The following C5 variants were observed in gnomAD, a reference collection of about 807,000 sequenced individuals.
The protein encoded by C5 is complement C5, also known as C3 and PZP-like alpha-2-macroglobulin domain-containing protein 4.
A neutral mutation model predicts 218.8 loss-of-function variants in C5; 140 were observed. That is an observed-to-expected ratio of 0.64 (90% CI 0.56 to 0.74). The LOEUF (loss-of-function observed/expected upper bound fraction) is 0.74. Ranked by LOEUF, C5 falls within the 30% of genes least tolerant of loss-of-function variation. C5 has a pLI of 0.00. For missense variants in C5, 1,700 were observed against 1,969.6 expected, an observed-to-expected ratio of 0.86 and a Z score of 2.59; for synonymous variants, 614 against 682.3, an observed-to-expected ratio of 0.90 and a Z score of 1.56.
chr9:121,043,700 C>CTTTTTTTTTT (rs34794535), intron 2 of C5, among the ~76,000 whole-genome samples: 5 of 120,660 alleles, frequency 4.1e-5, no homozygotes, highest in Non-Finnish European at 6.7e-5. Flanking sequence ...GTCCAGCTAA[C>CTTTTTTTTTT]TTTTTTTTTT....
chr9:121,044,334 G>A (rs1249360256), intron 2 of C5, among the ~76,000 whole-genome samples: 7 of 151,986 alleles, frequency 4.6e-5, no homozygotes, highest in Admixed American at 4.6e-4. Context: ...AATTAGCCAG[G>A]TGTGGTGGTG....
At chr9:121,006,154 G>A in intron 19 of C5, 96 bp from the exon 20 acceptor site, 1 of 1,208,888 alleles carries the variant, frequency 8.3e-7, no homozygotes, top group South Asian at 1.3e-5. Context: ...TTACTTCAAG[G>A]AAAAAATAAT....
At chr9:120,962,814 G>T (rs1236763908) in intron 35 of C5, 38 bp from the exon 36 acceptor site, 1 of 1,597,036 alleles carries the variant, frequency 6.3e-7, no homozygotes, top group Non-Finnish European at 8.6e-7. Context: ...AAATTATGGA[G>T]AGATGATATT....
intron 3 of C5, among the ~76,000 whole-genome samples, chr9:121,038,183 AAAGT>A (rs1367473579): frequency 6.6e-6 from 1 of 152,222 alleles, no homozygotes; most frequent in African/African-American, 2.4e-5. Context: ...TAGTGGATTT[AAAGT>A]ACAGTTCACT....
chr9:121,071,974 C>T, the C5 span, among the ~76,000 whole-genome samples: 1 of 152,132 alleles, frequency 6.6e-6, no homozygotes, highest in African/African-American at 2.4e-5. Flanking sequence ...TAGTGTGGAA[C>T]GCGAGTTGTC....
At chr9:121,042,809 G>A (rs1199711562) in intron 3 of C5, among the ~76,000 whole-genome samples, 195 bp downstream of exon 3, 3 of 152,048 alleles carry the variant, frequency 2.0e-5, no homozygotes, top group Non-Finnish European at 4.4e-5. Context: ...AATTTATTTA[G>A]CACTTTCTCC....
At chr9:120,990,787 C>T (rs548988257) in intron 23 of C5, among the ~76,000 whole-genome samples, 1 of 152,188 alleles carries the variant, frequency 6.6e-6, no homozygotes, top group African/African-American at 2.4e-5. Flanking sequence ...CTAAGACAAC[C>T]CTTCTGGGAC....
rs755636636 is a variant in C5, at chr9:121,015,272, T to A, written c.1997-11A>T. ...CTTTACAAGGTTCATCTGGTTTTTT[T>A]AAAAAAAGATAAAGAAGAAGGATTA... On this transcript the variant is annotated splice_polypyrimidine_tract_variant and intron_variant, in intron 15 of 40. Coordinates refer to ENST00000223642, the MANE Select transcript of C5 (RefSeq NM_001735.3). 1.5e-5 allele frequency: 24 copies of A among 1,560,966 alleles called. No homozygotes were observed. The highest frequency in any genetic ancestry group is 1.7e-4 in the Middle Eastern group (1 of 5,930).
chr9:121,009,680 T>C (rs1039545348), intron 17 of C5, among the ~76,000 whole-genome samples: 2 of 152,212 alleles, frequency 1.3e-5, no homozygotes, highest in Non-Finnish European at 2.9e-5. Context: ...AAAAGCACCA[T>C]CAAGAGAACC....
intron 38 of C5, among the ~76,000 whole-genome samples, chr9:120,959,910 T>C (rs943130917): frequency 1.1e-4 from 17 of 152,354 alleles, no homozygotes; most frequent in Middle Eastern, 3.4e-3. Context: ...GGTCTATCAA[T>C]TGGAAGAGTA....
At chr9:121,068,073 C>A in the C5 span, among the ~76,000 whole-genome samples, 1 of 152,048 alleles carries the variant, frequency 6.6e-6, no homozygotes, top group East Asian at 1.9e-4. Flanking sequence ...AGATCTGGTA[C>A]AATGCAAGGA....
the C5 span, among the ~76,000 whole-genome samples, chr9:121,072,916 T>C: frequency 2.6e-5 from 4 of 151,822 alleles, no homozygotes; most frequent in African/African-American, 9.7e-5. Context: ...CTTCGTTCTG[T>C]GTCGTGTAAA....
the C5 span, among the ~76,000 whole-genome samples, chr9:121,055,942 C>T: frequency 2.0e-5 from 3 of 152,336 alleles, no homozygotes; most frequent in South Asian, 6.2e-4. Flanking sequence ...GAGACTTTGC[C>T]TGGTAACCCA....
chr9:120,963,705 T>C lies in C5; in HGVS notation c.4254A>G (p.Gly1418=). 2 of 1,613,776 alleles carry C rather than the reference T, an allele frequency of 1.2e-6. No individual in the cohort carries two copies. Among genetic ancestry groups the C allele is most frequent in the South Asian group, 2.2e-5 (2 of 91,068 alleles). The change falls in exon 34 of 41, where the codon GGA becomes GGG. Residue 1418 remains glycine (G), a synonymous_variant. Coordinates refer to ENST00000223642, the MANE Select transcript of C5 (RefSeq NM_001735.3). The stretch of plus-strand genomic sequence containing the variant: ...AGATGTCCATCACCGCATGAGAGGA[T>C]CCAGATGATGATTCTTCCCTGCTGG... The part of the protein sequence containing the change: ...YKPSREESSS[G]SSHAVMDISL...
In C5 at chr9:121,020,653, C is replaced by T. The variant is rs114475636; in HGVS notation, c.1303-474G>A. ...TGTGAAGTAGAGGCACAGATGGGTG[C>T]TTATAAATATGAGGTGGAGAAGAAA... is the stretch of plus-strand genomic sequence containing the variant. On this transcript the variant is annotated intron_variant, in intron 11 of 40. Transcript: ENST00000223642. Among the ~76,000 whole-genome samples the T allele has an allele frequency of 6.4e-3, 970 of 152,200 alleles. 12 individuals are homozygous for T. The highest frequency in any genetic ancestry group is 0.019 in the African/African-American group (802 of 41,538).
Position 120,997,580 on chromosome 9 carries a change from T to C in C5, c.2757A>G (p.Gly919=). 4 of 1,614,070 alleles carry C rather than the reference T, an allele frequency of 2.5e-6. No individual in the cohort carries two copies. Among genetic ancestry groups the C allele is most frequent in the Non-Finnish European group, 3.4e-6 (4 of 1,179,952 alleles). Residue 919 remains glycine (G), a synonymous_variant, in exon 21 of 41, where the codon GGA becomes GGG. Coordinates refer to ENST00000223642, the MANE Select transcript of C5 (RefSeq NM_001735.3). ...GTAATGTTTTTACTAAGATTTCTTT[T>C]CCAAACCAAGTCTCCAGTGAAAAAT... ...NINFSLETWF[G]KEILVKTLRV...
intron 4 of C5, among the ~76,000 whole-genome samples, chr9:121,035,261 T>C (rs893968090): frequency 6.6e-6 from 1 of 152,228 alleles, no homozygotes; most frequent in Non-Finnish European, 1.5e-5. Flanking sequence ...GTTGGCTTTA[T>C]AAACACCAGA....
rs41311869 is a variant in C5 at position 120,990,998 on chromosome 9, G to A, written c.2941+193C>T. Among the ~76,000 whole-genome samples the A allele has an allele frequency of 8.4e-3, 1,277 of 152,290 alleles. 13 individuals carry two copies. Among genetic ancestry groups the A allele is most frequent in the African/African-American group, 0.029 (1,195 of 41,542 alleles). ...AATGCATCTCCATGTAAATCAGGCC[G>A]TTGGAAGAAGATAGTGGGAAAAGTG... On this transcript the variant is annotated intron_variant, in intron 23 of 40. Coordinates refer to ENST00000223642, the MANE Select transcript of C5 (RefSeq NM_001735.3).
At chr9:121,044,913 T>C (rs1007515396) in intron 2 of C5, among the ~76,000 whole-genome samples, 1 of 151,962 alleles carries the variant, frequency 6.6e-6, no homozygotes, top group Non-Finnish European at 1.5e-5. Context: ...ATACATTGTA[T>C]CAGATAAAAG....
Sources: gnomAD v4.1 joint callset for allele counts (sites outside exome capture counted in the v4.1 genomes callset) on GRCh38, gnomAD v4.1.1 for gene constraint, MANE v1.5 for transcripts, NCBI Gene and HGNC (gene_info 2026-07-23, HGNC 2026-07-21) for gene names.